The following LHFPL5 variants were observed in gnomAD, a reference collection of about 807,000 sequenced individuals.
LHFPL5 encodes the protein LHFPL tetraspan subfamily member 5 protein.
LHFPL5 carries 12 observed loss-of-function variants against 18.7 expected under a neutral mutation model. That is an observed-to-expected ratio of 0.64 (90% CI 0.41 to 1.04). The LOEUF is 1.04. Ranked by LOEUF, LHFPL5 falls within the 50% of genes least tolerant of loss-of-function variation. The pLI is 0.00. For missense variants in LHFPL5, 259 were observed against 292.1 expected, an observed-to-expected ratio of 0.89 and a Z score of 0.83; for synonymous variants, 111 against 120.2, an observed-to-expected ratio of 0.92 and a Z score of 0.50.
chr6:35,810,552 A>C (rs1324970676), intron 1 of LHFPL5, among the ~76,000 whole-genome samples: 9 of 152,110 alleles, frequency 5.9e-5, no homozygotes, highest in Non-Finnish European at 1.2e-4. Context: ...CCGTGTTACA[A>C]AAAAATACAA....
rs963998154 is a variant in LHFPL5, at chr6:35,824,024, T to C, written c.*1059T>C. 7 of 152,218 alleles carry C rather than the reference T, an allele frequency of 4.6e-5. No homozygotes were observed. Among genetic ancestry groups the C allele is most frequent in the Admixed American group, 3.9e-4 (6 of 15,278 alleles). The allele number at this position is 152,218 out of a possible 1,614,324, so 9.4% of individuals were successfully genotyped here. A position where few individuals can be genotyped will look rare whatever the true frequency, so the allele number is the denominator to read the frequency against. ...ACATCCTCCTGTATACTTTAAATCA[T>C]CTCTAGATTACTTATAATACCTAAT... On this transcript the variant is annotated 3_prime_UTR_variant, in exon 4 of 4. Transcript: ENST00000360215.
In LHFPL5 at chr6:35,809,737, C is replaced by T. The variant is rs151002307; in HGVS notation, c.412+3655C>T. 1.5e-4 allele frequency among the ~76,000 whole-genome samples: 23 copies of T among 152,340 alleles called. No individual in the cohort carries two copies. In the East Asian group the frequency reaches 4.2e-3, roughly 28 times the overall value. On this transcript the variant is annotated intron_variant, in intron 1 of 3. Coordinates refer to ENST00000360215, the MANE Select transcript of LHFPL5 (RefSeq NM_182548.4). ...CAGGCTGGTCTGGAACTCCTGAGCTCAGGCGATCTGCCTGCCTCAGCCTCC... is the reference window on the plus strand; with the variant it reads ...CAGGCTGGTCTGGAACTCCTGAGCTTAGGCGATCTGCCTGCCTCAGCCTCC...
chr6:35,814,748 G>A lies in LHFPL5; in HGVS notation c.615G>A (p.Lys205=), dbSNP rs149081163. 28 of 1,614,044 alleles carry A rather than the reference G, an allele frequency of 1.7e-5. No homozygotes were observed. The highest frequency in any genetic ancestry group is 2.2e-5 in the Non-Finnish European group (26 of 1,180,044). The change falls in exon 2 of 4, where the codon AAG becomes AAA. Residue 205 remains lysine, a synonymous_variant. Coordinates refer to ENST00000360215, the MANE Select transcript of LHFPL5 (RefSeq NM_182548.4). The surrounding 1 kb of genome is among the most constrained non-coding windows in gnomAD (Gnocchi z 4.2). Reference sequence around the variant, plus strand: ...TCGTGTTGGGCTACCGGCAGGACAAGCTCCTCCCTGACGACTACAAGGCAG... The same window carrying A: ...TCGTGTTGGGCTACCGGCAGGACAAACTCCTCCCTGACGACTACAAGGCAG... ...LAFVLGYRQD[K]LLPDDYKADG...
At chr6:35,813,239 A>ATTTTTTT (rs35884324) in intron 1 of LHFPL5, among the ~76,000 whole-genome samples, 3 of 56,324 alleles carry the variant, frequency 5.3e-5, no homozygotes, top group African/African-American at 6.7e-5. Flanking sequence ...AGGAACTAGC[A>ATTTTTTT]TTTTTTTTTT....
At chr6:35,816,378 GA>G (rs1379439011) in intron 2 of LHFPL5, among the ~76,000 whole-genome samples, 1 of 148,874 alleles carries the variant, frequency 6.7e-6, no homozygotes, top group African/African-American at 2.5e-5. Context: ...AAAAGAAAAA[GA>G]AAACAAATTA....
At chr6:35,819,416 C>A (rs1334870516) in intron 2 of LHFPL5, 21 bp from the exon 3 acceptor site, 1 of 1,613,474 alleles carries the variant, frequency 6.2e-7, no homozygotes, top group South Asian at 1.1e-5. Context: ...GTAACGTATA[C>A]TGTTCTCTCC....
chr6:35,822,015 C>T (rs959755561), intron 3 of LHFPL5, among the ~76,000 whole-genome samples: 11 of 151,726 alleles, frequency 7.2e-5, no homozygotes, highest in Non-Finnish European at 1.3e-4. Flanking sequence ...GCTGGGACTA[C>T]AGGCACATAC....
chr6:35,810,502 G>A (rs1768646474), intron 1 of LHFPL5, among the ~76,000 whole-genome samples: 1 of 152,044 alleles, frequency 6.6e-6, no homozygotes, highest in African/African-American at 2.4e-5. Flanking sequence ...GGATCATGAT[G>A]TCAGGAGATC....
At chr6:35,816,506 A>T (rs1182585218) in intron 2 of LHFPL5, among the ~76,000 whole-genome samples, 1 of 152,124 alleles carries the variant, frequency 6.6e-6, no homozygotes, top group Non-Finnish European at 1.5e-5. Flanking sequence ...GATTCTATAA[A>T]GGGAAGAAAA....
intron 1 of LHFPL5, among the ~76,000 whole-genome samples, chr6:35,812,950 G>C (rs978329143): frequency 6.6e-6 from 1 of 152,108 alleles, no homozygotes; most frequent in Non-Finnish European, 1.5e-5. Context: ...AGCTACTCAG[G>C]AGGGTGAGGC....
At chr6:35,819,507 G>A (rs981838821) in intron 3 of LHFPL5, 44 bp downstream of exon 3, 1 of 1,578,692 alleles carries the variant, frequency 6.3e-7, no homozygotes. Flanking sequence ...CCTTAGAAAG[G>A]CTGGGGCTCT....
intron 1 of LHFPL5, among the ~76,000 whole-genome samples, chr6:35,808,469 G>A (rs1328916463): frequency 6.9e-6 from 1 of 145,016 alleles, no homozygotes; most frequent in Non-Finnish European, 1.5e-5. Flanking sequence ...GCAACATGGC[G>A]AAACTGTGTC....
At chr6:35,822,913 A>G (rs1051670570) in intron 3 of LHFPL5, 69 bp from the exon 4 acceptor site, 2 of 152,094 alleles carry the variant, frequency 1.3e-5, no homozygotes, top group African/African-American at 4.8e-5. Flanking sequence ...CCCAGCCTAT[A>G]TTGGTTTTTA....
At chr6:35,816,810 TAAAAA>T (rs752528571) in intron 2 of LHFPL5, among the ~76,000 whole-genome samples, 1 of 83,284 alleles carries the variant, frequency 1.2e-5, no homozygotes, top group South Asian at 4.0e-4. Context: ...AGACTCCATC[TAAAAA>T]AAAAAAAAAA....
At position 35,823,465 on chromosome 6, in the gene LHFPL5, A is replaced by T. The variant is rs1264021711; in HGVS notation, c.*500A>T. 7.1e-6 allele frequency: 1 copy of T among 141,396 alleles called. No individual in the cohort carries two copies. The highest frequency in any genetic ancestry group is 2.8e-5 in the African/African-American group (1 of 35,598). The allele number at this position is 141,396 out of a possible 1,614,324, so 8.8% of individuals were successfully genotyped here. A position where few individuals can be genotyped will look rare whatever the true frequency, so the allele number is the denominator to read the frequency against. ...CATATATATACACACACACACACAC[A>T]CACACACACACACTCTCTCTCTCTC... On this transcript the variant is annotated 3_prime_UTR_variant, in exon 4 of 4. Coordinates refer to ENST00000360215, the MANE Select transcript of LHFPL5 (RefSeq NM_182548.4).
At chr6:35,815,179 T>C (rs1768737944) in intron 2 of LHFPL5, among the ~76,000 whole-genome samples, 1 of 152,002 alleles carries the variant, frequency 6.6e-6, no homozygotes, top group Non-Finnish European at 1.5e-5. Context: ...AGTGCGACCT[T>C]GAGAACAGGC....
rs1768911149 is a variant in LHFPL5 at position 35,823,430 on chromosome 6, TACACACACACATATATATACAC to T, written c.*477_*498del. 1.2e-5 allele frequency: 1 copy of T among 83,444 alleles called. No homozygotes were observed. Among genetic ancestry groups the T allele is most frequent in the Non-Finnish European group, 2.6e-5 (1 of 38,560 alleles). The allele number at this position is 83,444 out of a possible 1,614,324, so 5.2% of individuals were successfully genotyped here. A position where few individuals can be genotyped will look rare whatever the true frequency, so the allele number is the denominator to read the frequency against. ...ACACACACACACACACACACATACA[TACACACACACATATATATACAC>T]ACACACACACACACACACACACACA... On this transcript the variant is annotated 3_prime_UTR_variant, in exon 4 of 4. Transcript: ENST00000360215.
At chr6:35,812,753 G>A (rs12526050) in intron 1 of LHFPL5, among the ~76,000 whole-genome samples, 31,204 of 152,076 alleles carry the variant, frequency 0.21, 3,592 homozygotes, top group South Asian at 0.26. Flanking sequence ...AGGAAACTGA[G>A]GCAAACAAAG....
chr6:35,817,137 T>C (rs1249582519), intron 2 of LHFPL5, among the ~76,000 whole-genome samples: 1 of 152,096 alleles, frequency 6.6e-6, no homozygotes, highest in African/African-American at 2.4e-5. Context: ...CTGGCTAACA[T>C]AGTGAAACCC....
Sources: allele counts gnomAD v4.1 joint callset (sites outside exome capture counted in the v4.1 genomes callset), GRCh38; gene constraint gnomAD v4.1.1; non-coding constraint Gnocchi (gnomAD v3.1); transcripts MANE v1.5; gene names NCBI Gene and HGNC (gene_info 2026-07-23, HGNC 2026-07-21).